The following TUSC3 variants were observed in gnomAD, a reference collection of about 807,000 sequenced individuals.
TUSC3 encodes tumor suppressor candidate 3.
A neutral mutation model predicts 44.8 loss-of-function variants in TUSC3; 45 were observed. The observed-to-expected ratio is 1.00, with a 90% CI of 0.79 to 1.29. TUSC3 has a LOEUF of 1.29. TUSC3 is among the 50% of genes most tolerant of loss of function. The pLI is 0.00. For synonymous variants in TUSC3, 212 were observed against 152.9 expected (o/e 1.39, Z -2.85); for missense variants, 519 against 437.9 (o/e 1.19, Z -1.65).
rs201469989 is a variant in TUSC3 at position 15,540,445 on chromosome 8, C to A, written c.15C>A (p.Gly5=). The A allele has an allele frequency of 1.6e-5, 26 of 1,597,878 alleles. No homozygotes were observed. The South Asian group carries it at 2.8e-4, about 17-fold the overall frequency. The part of the protein sequence containing the change: MGAR[G]APSRRRQAGR... ...GCCCTGCCGCGATGGGGGCCCGGGG[C>A]GCTCCTTCACGCCGTAGGCAAGCGG... Residue 5 remains glycine (G), a synonymous_variant, in exon 1 of 11, where the codon GGC becomes GGA. Transcript: ENST00000503731.
chr8:15,467,556 A>T lies in TUSC3; in HGVS notation n.92-15830A>T, dbSNP rs558426739. On this transcript the variant is annotated intron_variant and non_coding_transcript_variant, in intron 1 of 5. Transcript: ENST00000503191. Reference sequence around the variant, plus strand: ...TCTGAACTGCCAGTTTCATTGGGAGATGACAATAATATTAGTCCTGAAAGA... The same window carrying T: ...TCTGAACTGCCAGTTTCATTGGGAGTTGACAATAATATTAGTCCTGAAAGA... 3.9e-5 allele frequency among the ~76,000 whole-genome samples: 6 copies of T among 152,236 alleles called. No individual in the cohort carries two copies. In the East Asian group the frequency reaches 7.7e-4, roughly 20 times the overall value.
chr8:15,729,756 G>A (rs1354876449), intron 6 of TUSC3, among the ~76,000 whole-genome samples: 1 of 151,832 alleles, frequency 6.6e-6, no homozygotes, highest in Admixed American at 6.6e-5. Flanking sequence ...TACCTATCAG[G>A]TACTTTACTC....
chr8:15,718,622 C>T (rs537203318), intron 6 of TUSC3, among the ~76,000 whole-genome samples: 2 of 152,192 alleles, frequency 1.3e-5, no homozygotes, highest in East Asian at 3.9e-4. Flanking sequence ...AATAGAACTT[C>T]ATGGACAAAT....
At chr8:15,446,133 C>A (rs953380610) in intron 1 of TUSC3, among the ~76,000 whole-genome samples, 2 of 121,190 alleles carry the variant, frequency 1.7e-5, no homozygotes, top group African/African-American at 6.3e-5. Flanking sequence ...CAGACGGGGT[C>A]GCGGCCGGGC....
At chr8:15,599,353 A>C (rs529099114) in intron 1 of TUSC3, among the ~76,000 whole-genome samples, 1 of 151,878 alleles carries the variant, frequency 6.6e-6, no homozygotes, top group Non-Finnish European at 1.5e-5. Context: ...TCTCTTTGGC[A>C]AATATTTTCT....
intron 1 of TUSC3, among the ~76,000 whole-genome samples, chr8:15,596,902 A>T (rs1287169518): frequency 6.6e-6 from 1 of 152,168 alleles, no homozygotes; most frequent in Non-Finnish European, 1.5e-5. Context: ...AATTTAACAT[A>T]GTTGACTGCA....
At chr8:15,450,678 A>T (rs886494501) in intron 1 of TUSC3, among the ~76,000 whole-genome samples, 1 of 152,214 alleles carries the variant, frequency 6.6e-6, no homozygotes, top group Admixed American at 6.5e-5. Context: ...TCAAAAATAA[A>T]TAAGTAAAAA....
intron 2 of TUSC3, among the ~76,000 whole-genome samples, chr8:15,649,740 T>C (rs1806803868): frequency 6.6e-6 from 1 of 152,190 alleles, no homozygotes; most frequent in South Asian, 2.1e-4. Flanking sequence ...CTCAAAACTT[T>C]TCACCAGCTT....
At chr8:15,694,242 A>T (rs1809048928) in intron 6 of TUSC3, among the ~76,000 whole-genome samples, 1 of 151,994 alleles carries the variant, frequency 6.6e-6, no homozygotes, top group Non-Finnish European at 1.5e-5. Flanking sequence ...CAGGAGTTTC[A>T]TACCAGCCTA....
At chr8:15,570,027 C>A (rs7841601) in intron 1 of TUSC3, among the ~76,000 whole-genome samples, 3,107 of 151,826 alleles carry the variant, frequency 0.02, 104 homozygotes, top group African/African-American at 0.068. Context: ...ATTTTGGATC[C>A]TATATATATT....
At chr8:15,422,277 G>T (rs1428536497) in intron 1 of TUSC3, among the ~76,000 whole-genome samples, 1 of 152,056 alleles carries the variant, frequency 6.6e-6, no homozygotes, top group African/African-American at 2.4e-5. Context: ...CACTTCTGTT[G>T]GTTTATTCTG....
At chr8:15,716,587 C>G (rs540926159) in intron 6 of TUSC3, among the ~76,000 whole-genome samples, 1 of 152,138 alleles carries the variant, frequency 6.6e-6, no homozygotes, top group South Asian at 2.1e-4. Flanking sequence ...ACATTAATTA[C>G]TAATGACGAA....
chr8:15,512,028 T>C (rs750241331), intron 2 of TUSC3, among the ~76,000 whole-genome samples: 2 of 152,142 alleles, frequency 1.3e-5, no homozygotes, highest in South Asian at 2.1e-4. Context: ...AAAGTTCATA[T>C]GGAAATGCAA....
At chr8:15,642,550 A>G (rs1806420513) in intron 2 of TUSC3, among the ~76,000 whole-genome samples, 1 of 152,104 alleles carries the variant, frequency 6.6e-6, no homozygotes, top group Non-Finnish European at 1.5e-5. Flanking sequence ...TTTTTGATTC[A>G]TTACAATAAA....
At chr8:15,787,626 A>G in the TUSC3 span, among the ~76,000 whole-genome samples, 8 of 152,206 alleles carry the variant, frequency 5.3e-5, no homozygotes, top group Non-Finnish European at 1.2e-4. Flanking sequence ...TATGGTTCCA[A>G]AAGATGAGAA....
intron 2 of TUSC3, among the ~76,000 whole-genome samples, chr8:15,523,684 G>GTATATATATA (rs1416555276): frequency 1.7e-4 from 7 of 40,560 alleles, no homozygotes; most frequent in Middle Eastern, 0.012. Context: ...GTGTGTGTGT[G>GTATATATATA]TGTGTGTGTG....
At chr8:15,750,281 G>A (rs1448159913) in intron 9 of TUSC3, among the ~76,000 whole-genome samples, 1 of 151,940 alleles carries the variant, frequency 6.6e-6, no homozygotes, top group Non-Finnish European at 1.5e-5. Context: ...GCCCAGCTGA[G>A]ATTCTTAAGC....
intron 2 of TUSC3, among the ~76,000 whole-genome samples, chr8:15,630,919 A>G (rs772853408): frequency 9.2e-5 from 14 of 152,188 alleles, no homozygotes; most frequent in Non-Finnish European, 1.9e-4. Context: ...CAAATAAGGT[A>G]AACTTGGGTC....
chr8:15,423,969 G>GTTTTTTTTTTTTTTTTTTTTTTT (rs112397215), intron 1 of TUSC3, among the ~76,000 whole-genome samples: 3 of 70,362 alleles, frequency 4.3e-5, no homozygotes, highest in Non-Finnish European at 6.3e-5. Flanking sequence ...GTTTTGCTTT[G>GTTTTTTTTTTTTTTTTTTTTTTT]TTTTTTTTTT....
Sources: allele counts gnomAD v4.1 joint callset (sites outside exome capture counted in the v4.1 genomes callset), GRCh38; gene constraint gnomAD v4.1.1; transcripts MANE v1.5; gene names NCBI Gene and HGNC (gene_info 2026-07-23, HGNC 2026-07-21).